TMOD1: variants seen among roughly 807,000 people sequenced by gnomAD.
TMOD1 encodes the protein tropomodulin-1.
In TMOD1, 17 loss-of-function variants were observed where a neutral mutation model predicts 40.6. That is an observed-to-expected ratio of 0.42 (90% CI 0.29 to 0.63). The LOEUF is 0.63. Among genes scored for constraint, TMOD1 ranks in the 20% least tolerant of loss-of-function variants. The pLI, the probability that TMOD1 is intolerant of heterozygous loss-of-function variation, is 0.22. For synonymous variants in TMOD1, 181 were observed against 175.0 expected, an observed-to-expected ratio of 1.03 and a Z score of -0.27; for missense variants, 391 against 447.6, an observed-to-expected ratio of 0.87 and a Z score of 1.14.
At position 97,573,138 on chromosome 9, in the gene TMOD1, G is replaced by C. The variant is rs529315000; in HGVS notation, c.870+4101G>C. Among the ~76,000 whole-genome samples the C allele has an allele frequency of 5.3e-5, 8 of 152,340 alleles. No homozygotes were observed. The East Asian group carries it at 1.5e-3, about 29-fold the overall frequency. On this transcript the variant is annotated intron_variant, in intron 8 of 9. Transcript: ENST00000259365. ...TGGGAGAAACCCTGTGGGCCCCGAG[G>C]GAGCCTGCAGGCCCGGCCCAGGCCA...
rs781638689 is a variant in TMOD1 at position 97,524,193 on chromosome 9, C to T, written c.5C>T (p.Ser2Leu). The T allele has an allele frequency of 2.0e-5, 33 of 1,613,644 alleles. No individual in the cohort carries two copies. The highest frequency in any genetic ancestry group is 1.2e-4 in the South Asian group (11 of 91,020). Residue 2 changes from serine (S) to leucine (L), a missense_variant, in exon 2 of 10, where the codon TCG becomes TTG. By Grantham distance (145) the Ser-to-Leu change is moderately radical. Transcript: ENST00000259365. M[S>L]YRRELEKYRD... ...ACACAGACAAGTTCTTCCACGATGTCGTACAGACGAGAACTAGAGAAATAC... is the reference window on the plus strand; with the variant it reads ...ACACAGACAAGTTCTTCCACGATGTTGTACAGACGAGAACTAGAGAAATAC...
chr9:97,541,547 A>G (rs1830275981), intron 2 of TMOD1, among the ~76,000 whole-genome samples: 1 of 141,714 alleles, frequency 7.1e-6, no homozygotes, highest in African/African-American at 2.6e-5. Context: ...AGACAGTCTC[A>G]CTCTGTTGAT....
At chr9:97,590,634 T>C (rs554033155) in intron 8 of TMOD1, among the ~76,000 whole-genome samples, 4 of 151,826 alleles carry the variant, frequency 2.6e-5, no homozygotes, top group African/African-American at 9.7e-5. Flanking sequence ...TTTTTTTTTC[T>C]GATTTTTTTT....
chr9:97,597,952 C>A (rs1043939594), intron 9 of TMOD1, among the ~76,000 whole-genome samples: 1 of 151,918 alleles, frequency 6.6e-6, no homozygotes, highest in South Asian at 2.1e-4. Flanking sequence ...GAATCAGATG[C>A]GATATGGATA....
At chr9:97,534,297 T>A (rs945833463) in intron 2 of TMOD1, among the ~76,000 whole-genome samples, 2 of 152,180 alleles carry the variant, frequency 1.3e-5, no homozygotes, top group African/African-American at 4.8e-5. Context: ...GGTTCACTAG[T>A]GTGATGGCCT....
At chr9:97,537,463 TAGCTTTACTG>T (rs1159561258) in intron 2 of TMOD1, among the ~76,000 whole-genome samples, 8 of 152,236 alleles carry the variant, frequency 5.3e-5, no homozygotes, top group Admixed American at 3.3e-4. Flanking sequence ...ACTTGATATT[TAGCTTTACTG>T]GCACCTGTTT....
At chr9:97,561,059 G>C (rs1315217401) in intron 4 of TMOD1, among the ~76,000 whole-genome samples, 1 of 152,202 alleles carries the variant, frequency 6.6e-6, no homozygotes, top group African/African-American at 2.4e-5. Flanking sequence ...GGCCTGTGAA[G>C]CCAGGCTCTG....
chr9:97,596,047 G>T (rs183699630), intron 9 of TMOD1, among the ~76,000 whole-genome samples: 2 of 151,666 alleles, frequency 1.3e-5, no homozygotes, highest in Admixed American at 1.3e-4. Flanking sequence ...GCACTTCAGT[G>T]TGGGCAACAA....
In TMOD1 at chr9:97,515,211, A is replaced by AAC. The variant is rs961667977; in HGVS notation, c.-48-8929_-48-8928insCA. 5.9e-5 allele frequency among the ~76,000 whole-genome samples: 9 copies of AAC among 151,606 alleles called. 1 individual carries two copies. In the Middle Eastern group the frequency reaches 0.01, roughly 172 times the overall value. ...AACTAAAACAAAAATGAAAAAAAAAAAAACAAACCACCATGCCAGATCAAG... is the reference window on the plus strand; with the variant it reads ...AACTAAAACAAAAATGAAAAAAAAAAACAAACAAACCACCATGCCAGATCAAG... On this transcript the variant is annotated intron_variant, in intron 1 of 9. Coordinates refer to ENST00000259365, the MANE Select transcript of TMOD1 (RefSeq NM_003275.4).
At chr9:97,558,431 CTGTT>C (rs113689604) in intron 4 of TMOD1, among the ~76,000 whole-genome samples, 44,328 of 151,108 alleles carry the variant, frequency 0.29, 6,543 homozygotes, top group East Asian at 0.44. Context: ...ACCCTGGATG[CTGTT>C]TGTTTGTTTG....
intron 1 of TMOD1, among the ~76,000 whole-genome samples, chr9:97,508,109 T>C (rs1829623748): frequency 6.7e-6 from 1 of 148,742 alleles, no homozygotes; most frequent in Non-Finnish European, 1.5e-5. Context: ...ACACACAGAC[T>C]CTGGAGACCA....
At chr9:97,564,508 C>T (rs892643888) in intron 6 of TMOD1, among the ~76,000 whole-genome samples, 4 of 152,298 alleles carry the variant, frequency 2.6e-5, no homozygotes, top group East Asian at 1.9e-4. Flanking sequence ...GTCAGACACA[C>T]GCTGCTGCAT....
intron 2 of TMOD1, among the ~76,000 whole-genome samples, chr9:97,538,610 A>G (rs1587929024): frequency 6.6e-6 from 1 of 152,192 alleles, no homozygotes; most frequent in Non-Finnish European, 1.5e-5. Context: ...TAGGCTTGTT[A>G]TAGATTCTTC....
intron 6 of TMOD1, among the ~76,000 whole-genome samples, chr9:97,564,643 C>G (rs1830698603): frequency 6.6e-6 from 1 of 152,226 alleles, no homozygotes; most frequent in Non-Finnish European, 1.5e-5. Flanking sequence ...TGTTTTACAG[C>G]CACAGAAGGG....
intron 1 of TMOD1, among the ~76,000 whole-genome samples, chr9:97,523,819 C>T (rs1165076432): frequency 1.3e-5 from 2 of 152,088 alleles, no homozygotes; most frequent in Non-Finnish European, 2.9e-5. Context: ...TGGAGAGTTA[C>T]ACAGAAAAGT....
intron 1 of TMOD1, among the ~76,000 whole-genome samples, chr9:97,519,773 T>C (rs1024347406): frequency 6.6e-6 from 1 of 152,034 alleles, no homozygotes; most frequent in African/African-American, 2.4e-5. Context: ...AGAACACGGG[T>C]CCTCTCCTGA....
At chr9:97,542,148 A>T (rs1435839882) in intron 2 of TMOD1, among the ~76,000 whole-genome samples, 1 of 152,202 alleles carries the variant, frequency 6.6e-6, no homozygotes, top group Non-Finnish European at 1.5e-5. Flanking sequence ...TTGAGTTTTT[A>T]TATATAATGG....
chr9:97,568,158 C>T (rs1563993595), intron 7 of TMOD1, among the ~76,000 whole-genome samples: 1 of 152,116 alleles, frequency 6.6e-6, no homozygotes, highest in Non-Finnish European at 1.5e-5. Context: ...AACCATGTCT[C>T]CATGGAATTT....
chr9:97,601,708 G>A lies in TMOD1; in HGVS notation c.*2010G>A, dbSNP rs1202517598. On this transcript the variant is annotated 3_prime_UTR_variant, in exon 10 of 10. Transcript: ENST00000259365. The stretch of plus-strand genomic sequence containing the variant: ...ATAGATCATGTGTAAAGGAATGGGT[G>A]TGGCTGTTCAATAAACTATACAGTT... The A allele has an allele frequency of 2.0e-5, 8 of 401,638 alleles. No homozygotes were observed. Among genetic ancestry groups the A allele is most frequent in the South Asian group, 1.0e-4 (1 of 9,824 alleles). 24.9% of individuals were successfully genotyped at this position (401,638 alleles called of 1,614,324 possible).
Sources: allele counts gnomAD v4.1 joint callset (sites outside exome capture counted in the v4.1 genomes callset), GRCh38; gene constraint gnomAD v4.1.1; transcripts MANE v1.5; gene names NCBI Gene and HGNC (gene_info 2026-07-23, HGNC 2026-07-21).